The following CCDC85C variants were observed in gnomAD, a reference collection of about 807,000 sequenced individuals.
CCDC85C encodes coiled-coil domain containing 85C.
In CCDC85C, 18 loss-of-function variants were observed where a neutral mutation model predicts 38.3. That is an observed-to-expected ratio of 0.47 (90% confidence interval 0.33 to 0.70). CCDC85C has a LOEUF of 0.70. Ranked by LOEUF, CCDC85C falls within the 30% of genes least tolerant of loss-of-function variation. CCDC85C has a pLI of 0.03. For synonymous variants in CCDC85C, 264 were observed against 293.8 expected (o/e 0.90, Z 1.04); for missense variants, 566 against 621.2 (o/e 0.91, Z 0.94).
At chr14:99,581,184 A>C (rs2054964675) in intron 1 of CCDC85C, among the ~76,000 whole-genome samples, 1 of 152,180 alleles carries the variant, frequency 6.6e-6, no homozygotes. Flanking sequence ...AGGTGTGCCC[A>C]GTGCCACCCT....
At chr14:99,517,045 C>T in intron 4 of CCDC85C, 43 bp downstream of exon 4, 1 of 1,518,780 alleles carries the variant, frequency 6.6e-7, no homozygotes, top group African/African-American at 1.4e-5. Flanking sequence ...CACAGTGCAC[C>T]CAGCATCTGA....
intron 2 of CCDC85C, among the ~76,000 whole-genome samples, chr14:99,529,708 G>T (rs1566762942): frequency 6.6e-6 from 1 of 152,222 alleles, no homozygotes; most frequent in Non-Finnish European, 1.5e-5. Context: ...CCAGCTGAGG[G>T]GTGCGGATTT....
intron 1 of CCDC85C, among the ~76,000 whole-genome samples, chr14:99,541,482 A>G (rs185600808): frequency 2.8e-4 from 42 of 152,334 alleles, no homozygotes; most frequent in Admixed American, 2.5e-3. Context: ...GGAGGAATCA[A>G]CTTCACGTGG....
At position 99,513,849 on chromosome 14, in the gene CCDC85C, T is replaced by TC. The variant is rs370689750; in HGVS notation, c.*1396dup. On this transcript the variant is annotated 3_prime_UTR_variant, in exon 6 of 6. Coordinates refer to ENST00000380243, the MANE Select transcript of CCDC85C (RefSeq NM_001144995.2). ...CCGTGCTGCAGCTGTGGGATCAAAA[T>TC]CCCTGTCATGTGCCACACATCACCC... 150,084 of 152,572 alleles carry TC rather than the reference T, an allele frequency of 0.98. 73,859 individuals carry two copies. The highest frequency in any genetic ancestry group is 1 in the East Asian group (5,180 of 5,180). 9.5% of individuals were successfully genotyped at this position (152,572 alleles called of 1,614,324 possible). A position where few individuals can be genotyped will look rare whatever the true frequency, so the allele number is the denominator to read the frequency against.
At chr14:99,546,650 ACT>A (rs1486158048) in intron 1 of CCDC85C, among the ~76,000 whole-genome samples, 2 of 152,016 alleles carry the variant, frequency 1.3e-5, no homozygotes, top group Non-Finnish European at 2.9e-5. Flanking sequence ...TGTGCACCAG[ACT>A]CTACAGGAAA....
chr14:99,566,257 T>C (rs891438044), intron 1 of CCDC85C, among the ~76,000 whole-genome samples: 50 of 152,218 alleles, frequency 3.3e-4, no homozygotes, highest in African/African-American at 1.2e-3. Flanking sequence ...GCATTTACCA[T>C]GTGCCAGGCA....
intron 1 of CCDC85C, among the ~76,000 whole-genome samples, chr14:99,538,081 C>T (rs989458143): frequency 1.3e-5 from 2 of 152,158 alleles, no homozygotes; most frequent in African/African-American, 4.8e-5. Flanking sequence ...TGGGTGGAGT[C>T]GGGTGGGGGG....
intron 1 of CCDC85C, among the ~76,000 whole-genome samples, chr14:99,581,771 T>C (rs1228280817): frequency 6.6e-6 from 1 of 152,192 alleles, no homozygotes; most frequent in African/African-American, 2.4e-5. Flanking sequence ...CCTTTGTAAA[T>C]GGCCCCAGAT....
intron 1 of CCDC85C, among the ~76,000 whole-genome samples, chr14:99,573,236 G>A (rs780561033): frequency 3.9e-5 from 6 of 152,204 alleles, no homozygotes; most frequent in Admixed American, 6.5e-5. Flanking sequence ...ACCTCCAGGT[G>A]CTCCCTGCAG....
intron 2 of CCDC85C, chr14:99,522,493 AGAAT>A (rs1415862554): frequency 7.9e-5 from 29 of 369,148 alleles, no homozygotes; most frequent in Middle Eastern, 7.7e-4. Context: ...CTGAATAAAC[AGAAT>A]GAATGAATGA....
At position 99,603,890 on chromosome 14, in the gene CCDC85C, GCAGCTCCTCGTCCGGCACCTGGCT is replaced by G. The variant is rs2055241341; in HGVS notation, c.46_69del (p.Ser16_Leu23del). On this transcript the variant is annotated inframe_deletion, in exon 1 of 6. Coordinates refer to ENST00000380243, the MANE Select transcript of CCDC85C (RefSeq NM_001144995.2). This position sits in a 1 kb window ranked among gnomAD's most constrained non-coding sequence, Gnocchi z 7.5. The stretch of plus-strand genomic sequence containing the variant: ...GCCAGCTCCTCCTTGCTCCAGCGCA[GCAGCTCCTCGTCCGGCACCTGGCT>G]CAGCTCCTCCGACGCCGCCGCCGCC... 6.7e-7 allele frequency: 1 copy of G among 1,496,066 alleles called. No homozygotes were observed. The highest frequency in any genetic ancestry group is 8.9e-7 in the Non-Finnish European group (1 of 1,128,272). The allele number at this position is 1,496,066 out of a possible 1,614,324, so 92.7% of individuals were successfully genotyped here. A position where few individuals can be genotyped will look rare whatever the true frequency, so the allele number is the denominator to read the frequency against.
rs748952440 is a variant in CCDC85C, at chr14:99,558,549, AG to A, written c.794-22462del. On this transcript the variant is annotated intron_variant, in intron 1 of 5. Transcript: ENST00000380243. This position sits in a 1 kb window ranked among gnomAD's most constrained non-coding sequence, Gnocchi z 4.2. ...GGCAGGAGAATTGCTTGAACCCAGGAGGTGGAGGTTGCAGTGAGCCAAGATT... is the reference window on the plus strand; with the variant it reads ...GGCAGGAGAATTGCTTGAACCCAGGAGTGGAGGTTGCAGTGAGCCAAGATT... Among the ~76,000 whole-genome samples the A allele has an allele frequency of 2.0e-5, 3 of 152,228 alleles. No homozygotes were observed.
intron 1 of CCDC85C, among the ~76,000 whole-genome samples, chr14:99,599,616 G>A (rs536830241): frequency 1.3e-5 from 2 of 152,274 alleles, no homozygotes; most frequent in South Asian, 2.1e-4. Context: ...AAGGCCAGGT[G>A]CAGTGGCTCA....
Position 99,582,121 on chromosome 14 carries a change from G to A in CCDC85C, c.793+21046C>T, listed in dbSNP as rs769571468. The stretch of plus-strand genomic sequence containing the variant: ...AGGTGGCCACACCCAGCGGGGGCGG[G>A]GGGATGCTGGCAGAGGCCTGTGTGT... On this transcript the variant is annotated intron_variant, in intron 1 of 5. Transcript: ENST00000380243. 8.1e-4 allele frequency among the ~76,000 whole-genome samples: 123 copies of A among 152,170 alleles called. 1 individual carries two copies. The highest frequency in any genetic ancestry group is 1.1e-3 in the Non-Finnish European group (74 of 68,032).
At position 99,514,868 on chromosome 14, in the gene CCDC85C, T is replaced by G. The variant is rs1595334769; in HGVS notation, c.*378A>C. 1 of 178,946 alleles carries G rather than the reference T, an allele frequency of 5.6e-6. No individual in the cohort carries two copies. Among genetic ancestry groups the G allele is most frequent in the African/African-American group, 2.3e-5 (1 of 42,606 alleles). The allele number at this position is 178,946 out of a possible 1,614,324, so 11.1% of individuals were successfully genotyped here. Reference sequence around the variant, plus strand: ...TGGGTGGCAGCCGGGGAGTAGAGGGTTTGATGAGTGGCCCCTCCATCCCAG... The same window carrying G: ...TGGGTGGCAGCCGGGGAGTAGAGGGGTTGATGAGTGGCCCCTCCATCCCAG... On this transcript the variant is annotated 3_prime_UTR_variant, in exon 6 of 6. Transcript: ENST00000380243.
At chr14:99,536,679 C>A (rs1897607738) in intron 1 of CCDC85C, among the ~76,000 whole-genome samples, 1 of 152,216 alleles carries the variant, frequency 6.6e-6, no homozygotes, top group Non-Finnish European at 1.5e-5. Context: ...GAGCAGCCAC[C>A]TTCCCCATAT....
intron 1 of CCDC85C, among the ~76,000 whole-genome samples, chr14:99,578,393 T>A (rs544707129): frequency 5.9e-5 from 9 of 151,734 alleles, no homozygotes; most frequent in Middle Eastern, 3.4e-3. Flanking sequence ...TGTTTGTGTG[T>A]GTGTGTGAGT....
Position 99,514,978 on chromosome 14 carries a change from G to C in CCDC85C, c.*268C>G. 1 of 372,212 alleles carries C rather than the reference G, an allele frequency of 2.7e-6. No homozygotes were observed. Among genetic ancestry groups the C allele is most frequent in the Non-Finnish European group, 5.0e-6 (1 of 199,300 alleles). The allele number at this position is 372,212 out of a possible 1,614,324, so 23.1% of individuals were successfully genotyped here. On this transcript the variant is annotated 3_prime_UTR_variant, in exon 6 of 6. Coordinates refer to ENST00000380243, the MANE Select transcript of CCDC85C (RefSeq NM_001144995.2). ...TTGCTCATGGAGCCCAGGGCCCAGA[G>C]GGGGAATGAGGCGTCCGGGCCGCTC...
intron 1 of CCDC85C, among the ~76,000 whole-genome samples, chr14:99,542,771 C>T (rs1348009783): frequency 2.0e-5 from 3 of 152,264 alleles, no homozygotes; most frequent in East Asian, 3.8e-4. Flanking sequence ...CCACTGCCCG[C>T]ATGCCAGGCC....
Sources: allele counts gnomAD v4.1 joint callset (sites outside exome capture counted in the v4.1 genomes callset), GRCh38; gene constraint gnomAD v4.1.1; non-coding constraint Gnocchi (gnomAD v3.1); transcripts MANE v1.5; gene names NCBI Gene and HGNC (gene_info 2026-07-23, HGNC 2026-07-21).